The following CRLS1 variants were observed in gnomAD, a reference collection of about 807,000 sequenced individuals.
The protein encoded by CRLS1 is cardiolipin synthase 1, also known as cardiolipin synthase (CMP-forming).
Under a neutral mutation model 37.0 loss-of-function variants are expected in CRLS1, and 24 were observed. That is an observed-to-expected ratio of 0.65 (90% CI 0.47 to 0.91). The LOEUF is 0.91. Ranked by LOEUF, CRLS1 falls within the 40% of genes least tolerant of loss-of-function variation. The pLI is 0.00. For missense variants in CRLS1, 373 were observed against 395.8 expected, an observed-to-expected ratio of 0.94 and a Z score of 0.49; for synonymous variants, 135 against 159.7, an observed-to-expected ratio of 0.85 and a Z score of 1.17.
intron 6 of CRLS1, among the ~76,000 whole-genome samples, chr20:6,035,880 C>G (rs745797348): frequency 2.0e-5 from 3 of 152,086 alleles, no homozygotes; most frequent in Non-Finnish European, 2.9e-5. Context: ...TCTCAGCTCA[C>G]TGCAACCTCT....
chr20:6,034,297 T>G (rs1437811108), intron 5 of CRLS1, among the ~76,000 whole-genome samples, 167 bp from the exon 6 acceptor site: 1 of 152,220 alleles, frequency 6.6e-6, no homozygotes, highest in Non-Finnish European at 1.5e-5. Context: ...CTTTTGTGTG[T>G]GCTCACCTGT....
intron 1 of CRLS1, among the ~76,000 whole-genome samples, chr20:6,009,020 C>T (rs1388168870): frequency 6.6e-6 from 1 of 152,208 alleles, no homozygotes; most frequent in Non-Finnish European, 1.5e-5. Flanking sequence ...TCTGTCTTCC[C>T]TCTCTTAAGA....
chr20:6,020,329 T>C (rs1277572943), intron 3 of CRLS1, among the ~76,000 whole-genome samples: 1 of 152,220 alleles, frequency 6.6e-6, no homozygotes, highest in Non-Finnish European at 1.5e-5. Flanking sequence ...TTGTCCAGTA[T>C]ACAATATTTT....
intron 1 of CRLS1, chr20:6,007,512 T>G: frequency 8.4e-7 from 1 of 1,194,888 alleles, no homozygotes; most frequent in Non-Finnish European, 1.2e-6. Flanking sequence ...AACTGAAATA[T>G]TCTATGTGGA....
intron 3 of CRLS1, 169 bp from the exon 4 acceptor site, chr20:6,031,115 TC>T: frequency 2.2e-6 from 1 of 464,192 alleles, no homozygotes. Context: ...AATATAAAAA[TC>T]AGTAGTTTGC....
chr20:6,018,900 C>T (rs1305019104), intron 3 of CRLS1, among the ~76,000 whole-genome samples: 2 of 152,188 alleles, frequency 1.3e-5, no homozygotes, highest in African/African-American at 4.8e-5. Context: ...ATAAATCCAA[C>T]ATTGCCATGA....
intron 2 of CRLS1, among the ~76,000 whole-genome samples, chr20:6,012,195 T>C (rs1251825968): frequency 6.6e-6 from 1 of 152,212 alleles, no homozygotes; most frequent in Non-Finnish European, 1.5e-5. Flanking sequence ...TGCCTTTCAA[T>C]TGGCCACTGG....
At chr20:6,007,430 T>A (rs1377657027) in intron 1 of CRLS1, 1 of 1,611,786 alleles carries the variant, frequency 6.2e-7, no homozygotes, top group South Asian at 1.1e-5. Context: ...TTGAGTAATC[T>A]GAGATTAGCT....
At chr20:6,025,036 A>G (rs965981305) in intron 3 of CRLS1, among the ~76,000 whole-genome samples, 2 of 152,232 alleles carry the variant, frequency 1.3e-5, no homozygotes, top group Admixed American at 1.3e-4. Flanking sequence ...AGCAGGCACT[A>G]GTGGGGAAGC....
chr20:6,009,723 A>T, intron 1 of CRLS1, 52 bp from the exon 2 acceptor site: 1 of 1,500,576 alleles, frequency 6.7e-7, no homozygotes, highest in Non-Finnish European at 9.1e-7. Flanking sequence ...ATAGTTATTC[A>T]AAGTATGAAT....
intron 2 of CRLS1, among the ~76,000 whole-genome samples, chr20:6,011,581 T>C (rs1978323934): frequency 1.3e-5 from 1 of 76,218 alleles, no homozygotes; most frequent in Non-Finnish European, 2.6e-5. Context: ...GCTTTTTTTT[T>C]TTTTTTTTTT....
At chr20:6,027,176 C>T (rs1464680220) in intron 3 of CRLS1, among the ~76,000 whole-genome samples, 3 of 151,586 alleles carry the variant, frequency 2.0e-5, no homozygotes, top group South Asian at 2.1e-4. Flanking sequence ...CCCCGCCTCC[C>T]GGGTTCAAGT....
At position 6,031,319 on chromosome 20, in the gene CRLS1, A is replaced by G. The variant is rs535985619; in HGVS notation, c.609A>G (p.Val203=). 2.5e-6 allele frequency: 4 copies of G among 1,609,440 alleles called. No homozygotes were observed. Residue 203 remains valine (V), a synonymous_variant, in exon 4 of 7, where the codon GTA becomes GTG. Coordinates refer to ENST00000378863, the MANE Select transcript of CRLS1 (RefSeq NM_019095.6). ...PLTYMIISRD[V]MLIAAVFYVR... The stretch of plus-strand genomic sequence containing the variant: ...CTTACATGATCATTTCGAGAGATGT[A>G]ATGTTGATTGCTGCTGTTTTTTATG...
chr20:6,028,888 A>G (rs1979925333), intron 3 of CRLS1, among the ~76,000 whole-genome samples: 1 of 152,256 alleles, frequency 6.6e-6, no homozygotes, highest in Non-Finnish European at 1.5e-5. Context: ...CTAGTAGGCA[A>G]AATGAAAACT....
chr20:6,019,294 G>T (rs922924666), intron 3 of CRLS1, among the ~76,000 whole-genome samples: 1 of 151,986 alleles, frequency 6.6e-6, no homozygotes, highest in Admixed American at 6.5e-5. Context: ...TTTTTAAGTT[G>T]TGATGTTTTT....
intron 3 of CRLS1, among the ~76,000 whole-genome samples, chr20:6,024,755 C>T (rs1003797266): frequency 6.6e-6 from 1 of 152,198 alleles, no homozygotes; most frequent in Non-Finnish European, 1.5e-5. Flanking sequence ...AATTGTTACT[C>T]CAGTGAACAC....
intron 4 of CRLS1, among the ~76,000 whole-genome samples, chr20:6,031,586 G>A (rs929089050): frequency 6.6e-6 from 1 of 152,116 alleles, no homozygotes; most frequent in African/African-American, 2.4e-5. Flanking sequence ...TCTAGAATTG[G>A]TTTTAAAAAT....
rs1296349132 is a variant in CRLS1, at chr20:6,035,766, CA to C, written c.821+1212del. On this transcript the variant is annotated intron_variant, in intron 6 of 6. Coordinates refer to ENST00000378863, the MANE Select transcript of CRLS1 (RefSeq NM_019095.6). ...CCTCCTGAGTAGCTGGGATTACAGG[CA>C]TGTGCCACCACCACACCTGGCTATT... 3.5e-4 allele frequency among the ~76,000 whole-genome samples: 54 copies of C among 152,120 alleles called. 1 individual carries two copies. Among genetic ancestry groups the C allele is most frequent in the African/African-American group, 1.3e-3 (53 of 41,518 alleles).
chr20:6,028,785 A>T (rs1272205332), intron 3 of CRLS1: 3 of 152,244 alleles, frequency 2.0e-5, no homozygotes, highest in African/African-American at 7.2e-5. Context: ...ATCATTGCAA[A>T]TATTACCCAT....
Sources: gnomAD v4.1 joint callset for allele counts (sites outside exome capture counted in the v4.1 genomes callset) on GRCh38, gnomAD v4.1.1 for gene constraint, MANE v1.5 for transcripts, NCBI Gene and HGNC (gene_info 2026-07-23, HGNC 2026-07-21) for gene names.